Variants in ANK3 observed in about 807,000 individuals in gnomAD.
ANK3 encodes ankyrin 3, also known as ankyrin-3.
A neutral mutation model predicts 370.9 loss-of-function variants in ANK3; 57 were observed. The observed-to-expected ratio is 0.15, with a 90% confidence interval of 0.12 to 0.19. ANK3 has a LOEUF of 0.19. Among genes scored for constraint, ANK3 ranks in the 10% least tolerant of loss-of-function variants. The pLI is 1.00. For synonymous variants in ANK3, 1,929 were observed against 1,946.3 expected (o/e 0.99, Z 0.23); for missense variants, 4,439 against 5,302.1 (o/e 0.84, Z 5.06).
chr10:60,561,008 T>C (rs2133248549), intron 2 of ANK3, among the ~76,000 whole-genome samples: 1 of 152,262 alleles, frequency 6.6e-6, no homozygotes, highest in South Asian at 2.1e-4. Context: ...CTTTGTAAAA[T>C]GCCAAGGTAA....
intron 2 of ANK3, among the ~76,000 whole-genome samples, chr10:60,497,723 A>C (rs779152305): frequency 3.4e-4 from 52 of 152,300 alleles, no homozygotes; most frequent in Admixed American, 2.4e-3. Flanking sequence ...TCTATTTTAA[A>C]AATAATGCTC....
Position 60,067,983 on chromosome 10 carries a change from C to G in ANK3, c.12271G>C (p.Asp4091His), listed in dbSNP as rs771397126. The G allele has an allele frequency of 1.2e-6, 2 of 1,610,642 alleles. No individual in the cohort carries two copies. Among genetic ancestry groups the G allele is most frequent in the Non-Finnish European group, 1.7e-6 (2 of 1,177,310 alleles). ...TCGGCTACTATTGCCATCCTGATATCTGTCCGTTCACATGGACTCTGTGGA... is the reference window on the plus strand; with the variant it reads ...TCGGCTACTATTGCCATCCTGATATGTGTCCGTTCACATGGACTCTGTGGA... ...TGPQSPCERTDIRMAIVADHL... is the reference protein window; with the variant it reads ...TGPQSPCERTHIRMAIVADHL... Residue 4091 changes from aspartate to histidine, a missense_variant, in exon 38 of 44, where the codon GAT becomes CAT. Coordinates refer to ENST00000280772, the MANE Select transcript of ANK3 (RefSeq NM_020987.5).
intron 23 of ANK3, among the ~76,000 whole-genome samples, chr10:60,145,798 T>C (rs984627130): frequency 2.0e-5 from 3 of 152,168 alleles, no homozygotes; most frequent in South Asian, 2.1e-4. Flanking sequence ...GTAATCAAAA[T>C]GTAAGCTCCT....
intron 11 of ANK3, among the ~76,000 whole-genome samples, chr10:60,203,428 C>T (rs1250358002): frequency 6.6e-6 from 1 of 152,146 alleles, no homozygotes; most frequent in Admixed American, 6.5e-5. Flanking sequence ...TACTAATAAA[C>T]CTTCCTTATC....
intron 28 of ANK3, among the ~76,000 whole-genome samples, chr10:60,092,217 CA>C (rs569263586): frequency 5.5e-4 from 84 of 152,168 alleles, no homozygotes; most frequent in African/African-American, 2.0e-3. Flanking sequence ...GAAAAATTCC[CA>C]AACTTTGGGG....
intron 1 of ANK3, among the ~76,000 whole-genome samples, chr10:60,302,328 T>C (rs1247810999): frequency 6.6e-6 from 1 of 152,136 alleles, no homozygotes; most frequent in African/African-American, 2.4e-5. Flanking sequence ...ATACAAAATA[T>C]TATGTTGAAC....
intron 2 of ANK3, among the ~76,000 whole-genome samples, chr10:60,547,686 C>T (rs151307066): frequency 1.3e-5 from 2 of 149,952 alleles, no homozygotes; most frequent in African/African-American, 4.9e-5. Flanking sequence ...GAGAGAGAGA[C>T]AGAGACAGAG....
intron 1 of ANK3, among the ~76,000 whole-genome samples, chr10:60,299,030 A>C (rs2043131929): frequency 6.6e-6 from 1 of 152,192 alleles, no homozygotes; most frequent in South Asian, 2.1e-4. Context: ...TTTAGGACTC[A>C]CTTGCCAATA....
chr10:60,622,802 A>T (rs1042731732), intron 1 of ANK3, among the ~76,000 whole-genome samples: 2 of 152,190 alleles, frequency 1.3e-5, no homozygotes, highest in Non-Finnish European at 2.9e-5. Flanking sequence ...GAATCCTATC[A>T]AGTTATTTTT....
chr10:60,051,038 G>GAATT (rs1252764308), intron 42 of ANK3, among the ~76,000 whole-genome samples: 2 of 151,946 alleles, frequency 1.3e-5, no homozygotes, highest in Admixed American at 1.3e-4. Context: ...AAGGCAGTAG[G>GAATT]AATTTGAGAC....
intron 23 of ANK3, among the ~76,000 whole-genome samples, chr10:60,141,559 C>CTTTTTTTTTTTTT (rs2094555559): frequency 1.6e-5 from 1 of 61,162 alleles, no homozygotes; most frequent in African/African-American, 7.9e-5. Flanking sequence ...ATTTCAATTG[C>CTTTTTTTTTTTTT]TGTTTTTTTT....
intron 2 of ANK3, among the ~76,000 whole-genome samples, chr10:60,444,305 C>T (rs1284099892): frequency 6.6e-6 from 1 of 151,686 alleles, no homozygotes; most frequent in Non-Finnish European, 1.5e-5. Context: ...AAATCAATCT[C>T]CAAGCTTGTA....
chr10:60,497,865 T>C (rs2075700076), intron 2 of ANK3, among the ~76,000 whole-genome samples: 1 of 152,182 alleles, frequency 6.6e-6, no homozygotes, highest in Non-Finnish European at 1.5e-5. Flanking sequence ...AAACAAAATA[T>C]GGTTGCTATA....
chr10:60,593,436 G>A (rs917882560), intron 2 of ANK3, among the ~76,000 whole-genome samples: 2 of 152,196 alleles, frequency 1.3e-5, no homozygotes, highest in Admixed American at 6.5e-5. Flanking sequence ...AGAGAATTAA[G>A]TACTTAAGGG....
chr10:60,592,146 T>C (rs1319165730), intron 2 of ANK3, among the ~76,000 whole-genome samples: 1 of 152,164 alleles, frequency 6.6e-6, no homozygotes, highest in African/African-American at 2.4e-5. Flanking sequence ...ATGATGGGCT[T>C]ATTTCACATT....
In ANK3 at chr10:60,248,749, T is replaced by C. The variant is rs60623265; in HGVS notation, c.798+13110A>G. Among the ~76,000 whole-genome samples the C allele has an allele frequency of 2.4e-3, 371 of 152,318 alleles. 1 individual carries two copies. Among genetic ancestry groups the C allele is most frequent in the African/African-American group, 8.5e-3 (355 of 41,562 alleles). On this transcript the variant is annotated intron_variant, in intron 7 of 43. Transcript: ENST00000280772. ...AAGTGAAGCTGGAATGGGTTACAGG[T>C]AACATGGCTAGAAAATACCAGAGCT...
chr10:60,580,233 T>C (rs1323897887), intron 2 of ANK3, among the ~76,000 whole-genome samples: 1 of 152,228 alleles, frequency 6.6e-6, no homozygotes, highest in African/African-American at 2.4e-5. Context: ...GAGGATGGAC[T>C]TATTTTTAAG....
At chr10:60,392,965 A>T (rs180761099), upstream of ANK3, among the ~76,000 whole-genome samples, 4 of 152,246 alleles carry the variant, frequency 2.6e-5, no homozygotes, top group East Asian at 7.7e-4. Flanking sequence ...AAGAAAAAAA[A>T]AGCTAAGGAC....
Position 60,070,270 on chromosome 10 carries a change from G to C in ANK3, c.10611C>G (p.Thr3537=). Residue 3537 remains threonine (T), a synonymous_variant, in exon 37 of 44, where the codon ACC becomes ACG. Coordinates refer to ENST00000280772, the MANE Select transcript of ANK3 (RefSeq NM_020987.5). The surrounding 1 kb of genome is among the most constrained non-coding windows in gnomAD (Gnocchi z 5.7). ...EFATPFKTVA[T]KGLDFDPWSN... ...ACCAAGGGTCAAAATCTAGACCTTT[G>C]GTAGCTACTGTTTTAAAAGGAGTGG... 1.9e-6 allele frequency: 3 copies of C among 1,613,980 alleles called. No homozygotes were observed. The highest frequency in any genetic ancestry group is 2.5e-6 in the Non-Finnish European group (3 of 1,179,996).
Sources: gnomAD v4.1 joint callset for allele counts (sites outside exome capture counted in the v4.1 genomes callset) on GRCh38, gnomAD v4.1.1 for gene constraint, Gnocchi (gnomAD v3.1) non-coding constraint, MANE v1.5 for transcripts, NCBI Gene and HGNC (gene_info 2026-07-23, HGNC 2026-07-21) for gene names.